FOXJ3: variants seen among roughly 807,000 people sequenced by gnomAD.
The protein encoded by FOXJ3 is forkhead box protein J3.
Under a neutral mutation model 76.1 loss-of-function variants are expected in FOXJ3, and 22 were observed. The observed-to-expected ratio is 0.29, with a 90% CI of 0.21 to 0.41. The LOEUF (loss-of-function observed/expected upper bound fraction) is 0.41. FOXJ3 is among the 10% of genes least tolerant of loss of function. The pLI is 1.00. For synonymous variants in FOXJ3, 269 were observed against 261.2 expected (o/e 1.03, Z -0.29); for missense variants, 613 against 762.1 (o/e 0.80, Z 2.30).
rs1046052829 is a variant in FOXJ3 at position 42,226,624 on chromosome 1, T to C, written c.528+1259A>G. On this transcript the variant is annotated intron_variant, in intron 5 of 12. Transcript: ENST00000361346. The stretch of plus-strand genomic sequence containing the variant: ...CTCCATCTCAAAAAAAAAAAAATTT[T>C]GTCTAGCTCTGTTACCAGAAGACCA... 2.6e-5 allele frequency among the ~76,000 whole-genome samples: 4 copies of C among 152,148 alleles called. 1 individual carries two copies. Among genetic ancestry groups the C allele is most frequent in the South Asian group, 4.1e-4 (2 of 4,834 alleles).
At position 42,292,284 on chromosome 1, in the gene FOXJ3, T is replaced by C. The variant is rs1029923488; in HGVS notation, c.45-13612A>G. Among the ~76,000 whole-genome samples the C allele has an allele frequency of 2.0e-5, 3 of 152,244 alleles. No individual in the cohort carries two copies. In the South Asian group the frequency reaches 6.2e-4, roughly 31 times the overall value. The stretch of plus-strand genomic sequence containing the variant: ...TGGAGCAAATGGAACTCTTACATAC[T>C]GCTGGTGGGAGTTTAAAAAGGCATA... On this transcript the variant is annotated intron_variant, in intron 2 of 12. Coordinates refer to ENST00000361346, the MANE Select transcript of FOXJ3 (RefSeq NM_014947.5).
intron 5 of FOXJ3, among the ~76,000 whole-genome samples, chr1:42,212,341 G>T (rs1646980972): frequency 6.6e-6 from 1 of 152,038 alleles, no homozygotes; most frequent in South Asian, 2.1e-4. Flanking sequence ...AACAATTCAG[G>T]ATATGAAGGA....
At chr1:42,204,857 C>A (rs1206175110) in intron 6 of FOXJ3, among the ~76,000 whole-genome samples, 1 of 152,152 alleles carries the variant, frequency 6.6e-6, no homozygotes, top group Non-Finnish European at 1.5e-5. Context: ...TGATTATAAT[C>A]TGTCATCTGT....
At chr1:42,249,729 A>G (rs1221748637) in intron 4 of FOXJ3, among the ~76,000 whole-genome samples, 3 of 152,230 alleles carry the variant, frequency 2.0e-5, no homozygotes. Flanking sequence ...TGAAAATGTC[A>G]AAGACCTAAT....
In FOXJ3 at chr1:42,199,188, G is replaced by A. The variant is rs750433460; in HGVS notation, c.673C>T (p.Arg225Cys). The change falls in exon 7 of 13, where the codon CGC (arginine) becomes TGC (cysteine). Residue 225 changes from arginine (R) to cysteine (C), a missense_variant. Physicochemically the swap from Arg to Cys is radical, Grantham distance 180. This residue lies in a region of FOXJ3 where 526 missense variants were observed against 601.4 expected (regional missense o/e 0.87). Coordinates refer to ENST00000361346, the MANE Select transcript of FOXJ3 (RefSeq NM_014947.5). ...NTDQDGSDSP[R>C]SSLNNSLSDQ... is the part of the protein sequence containing the mutation. ...GAGAGACTGTTGTTAAGGCTACTGCGTGGGCTATCACTACCATCCTGATCA... is the reference window on the plus strand; with the variant it reads ...GAGAGACTGTTGTTAAGGCTACTGCATGGGCTATCACTACCATCCTGATCA... The A allele has an allele frequency of 2.7e-5, 44 of 1,612,338 alleles. 1 individual carries two copies. In the South Asian group the frequency reaches 3.4e-4, roughly 12 times the overall value.
At chr1:42,296,420 T>C (rs531806840) in intron 2 of FOXJ3, among the ~76,000 whole-genome samples, 8 of 152,366 alleles carry the variant, frequency 5.3e-5, no homozygotes, top group Middle Eastern at 3.4e-3. Flanking sequence ...CTAGGACTTT[T>C]ATAGTTTAAG....
At chr1:42,267,783 GAC>G (rs746858634) in intron 3 of FOXJ3, among the ~76,000 whole-genome samples, 1 of 151,962 alleles carries the variant, frequency 6.6e-6, no homozygotes. Flanking sequence ...TAAAGAAAGA[GAC>G]AAATATAAAC....
At chr1:42,291,103 T>TAGACAGAC (rs1171995869) in intron 2 of FOXJ3, among the ~76,000 whole-genome samples, 1 of 106,140 alleles carries the variant, frequency 9.4e-6, no homozygotes, top group African/African-American at 3.0e-5. Context: ...GACAGACAGA[T>TAGACAGAC]AGATCCACAG....
At chr1:42,305,102 T>C (rs1291457422) in intron 2 of FOXJ3, among the ~76,000 whole-genome samples, 1 of 151,944 alleles carries the variant, frequency 6.6e-6, no homozygotes, top group Non-Finnish European at 1.5e-5. Context: ...TAGGCATTTC[T>C]CAAAAGACAT....
intron 4 of FOXJ3, among the ~76,000 whole-genome samples, chr1:42,242,296 T>G (rs1649205979): frequency 6.6e-6 from 1 of 150,474 alleles, no homozygotes; most frequent in Non-Finnish European, 1.5e-5. Flanking sequence ...AGAAAAGAAA[T>G]TTGAAATAAT....
chr1:42,274,171 A>C (rs1652081273), intron 3 of FOXJ3, among the ~76,000 whole-genome samples: 1 of 152,178 alleles, frequency 6.6e-6, no homozygotes. Flanking sequence ...TCTCAGGCTA[A>C]ATATTGACAA....
At chr1:42,268,702 A>G (rs1218177937) in intron 3 of FOXJ3, among the ~76,000 whole-genome samples, 1 of 152,224 alleles carries the variant, frequency 6.6e-6, no homozygotes, top group East Asian at 1.9e-4. Context: ...TTCTTACATT[A>G]TACATGAAAT....
chr1:42,268,727 T>G (rs1651656485), intron 3 of FOXJ3, among the ~76,000 whole-genome samples: 1 of 152,178 alleles, frequency 6.6e-6, no homozygotes, highest in African/African-American at 2.4e-5. Context: ...TAATACTATT[T>G]GAAGGTAAAG....
At chr1:42,280,844 G>A (rs188011980) in intron 2 of FOXJ3, among the ~76,000 whole-genome samples, 198 of 152,192 alleles carry the variant, frequency 1.3e-3, no homozygotes, top group Middle Eastern at 3.4e-3. Context: ...TACTCGTATT[G>A]GTAATAAGAG....
intron 4 of FOXJ3, among the ~76,000 whole-genome samples, chr1:42,251,353 T>C (rs751570465): frequency 3.3e-5 from 5 of 152,090 alleles, no homozygotes; most frequent in Non-Finnish European, 7.4e-5. Flanking sequence ...CAGGAATCCA[T>C]ACCCAGAAAA....
intron 4 of FOXJ3, among the ~76,000 whole-genome samples, chr1:42,251,523 T>C (rs973970689): frequency 6.6e-6 from 1 of 152,126 alleles, no homozygotes; most frequent in African/African-American, 2.4e-5. Flanking sequence ...TTGTTGAATT[T>C]TGTCAAAGGC....
chr1:42,270,419 T>C (rs1288917476), intron 3 of FOXJ3, among the ~76,000 whole-genome samples: 1 of 152,162 alleles, frequency 6.6e-6, no homozygotes, highest in Non-Finnish European at 1.5e-5. Flanking sequence ...TAGGATACAA[T>C]GTTTTTCAAA....
chr1:42,300,651 G>C (rs540024329), intron 2 of FOXJ3, among the ~76,000 whole-genome samples: 7 of 151,988 alleles, frequency 4.6e-5, no homozygotes, highest in Non-Finnish European at 1.0e-4. Context: ...GGTGGCATGT[G>C]CTTGTAGTCC....
rs1646262114 is a variant in FOXJ3, at chr1:42,178,787, A to G, written c.*923T>C. The G allele has an allele frequency of 6.5e-6, 1 of 152,708 alleles. No individual in the cohort carries two copies. The highest frequency in any genetic ancestry group is 6.5e-5 in the Admixed American group (1 of 15,282). 9.5% of individuals were successfully genotyped at this position (152,708 alleles called of 1,614,324 possible). A position where few individuals can be genotyped will look rare whatever the true frequency, so the allele number is the denominator to read the frequency against. On this transcript the variant is annotated 3_prime_UTR_variant, in exon 13 of 13. Transcript: ENST00000361346. ...GCAACAGGGCAAGACTCCATCTCAAAAAAAGAAAAAAATAATAATAGTTCT... is the reference window on the plus strand; with the variant it reads ...GCAACAGGGCAAGACTCCATCTCAAGAAAAGAAAAAAATAATAATAGTTCT...
Sources: gnomAD v4.1 joint callset for allele counts (sites outside exome capture counted in the v4.1 genomes callset) on GRCh38, gnomAD v4.1.1 for gene constraint, gnomAD v4.1.1 regional missense constraint, MANE v1.5 for transcripts, NCBI Gene and HGNC (gene_info 2026-07-23, HGNC 2026-07-21) for gene names.